Variants in MTUS2 observed in about 807,000 individuals in gnomAD.
MTUS2 encodes microtubule associated scaffold protein 2.
A neutral mutation model predicts 114.1 loss-of-function variants in MTUS2; 40 were observed. The ratio of observed to expected loss-of-function variants is 0.35; its 90% CI spans 0.27 to 0.46. The LOEUF (loss-of-function observed/expected upper bound fraction) is 0.46. Ranked by LOEUF, MTUS2 falls within the 20% of genes least tolerant of loss-of-function variation. MTUS2 has a pLI of 1.00. For missense variants in MTUS2, 1,679 were observed against 1,705.4 expected, an observed-to-expected ratio of 0.98 and a Z score of 0.27; for synonymous variants, 688 against 672.0, an observed-to-expected ratio of 1.02 and a Z score of -0.37.
intron 2 of MTUS2, among the ~76,000 whole-genome samples, chr13:28,844,227 G>A (rs1384397851): frequency 6.6e-6 from 1 of 152,180 alleles, no homozygotes; most frequent in African/African-American, 2.4e-5. Context: ...ATCATTTATA[G>A]TTCTTTTGAA....
At chr13:29,263,097 A>G (rs1237638077) in intron 5 of MTUS2, among the ~76,000 whole-genome samples, 1 of 152,220 alleles carries the variant, frequency 6.6e-6, no homozygotes, top group African/African-American at 2.4e-5. Flanking sequence ...CAAAGCAGGA[A>G]TGGGACTTGG....
At chr13:29,466,071 C>T (rs1326615280) in intron 9 of MTUS2, among the ~76,000 whole-genome samples, 4 of 152,244 alleles carry the variant, frequency 2.6e-5, no homozygotes, top group Non-Finnish European at 5.9e-5. Flanking sequence ...GGACACTGTC[C>T]TGGAAGGGGT....
chr13:29,364,188 T>C (rs1870510672), intron 8 of MTUS2, among the ~76,000 whole-genome samples: 1 of 152,140 alleles, frequency 6.6e-6, no homozygotes, highest in African/African-American at 2.4e-5. Flanking sequence ...ACCTAATGGT[T>C]TAAGCTGTTG....
chr13:28,972,392 C>T (rs910707998), intron 2 of MTUS2, among the ~76,000 whole-genome samples: 12 of 152,174 alleles, frequency 7.9e-5, no homozygotes, highest in African/African-American at 2.9e-4. Flanking sequence ...GCACTGTGTT[C>T]GCAGGTGGCC....
intron 6 of MTUS2, among the ~76,000 whole-genome samples, chr13:29,314,674 A>C (rs569276759): frequency 6.6e-6 from 1 of 152,324 alleles, no homozygotes; most frequent in African/African-American, 2.4e-5. Flanking sequence ...ATGAGTATGA[A>C]AGCGTATGGA....
At chr13:29,004,436 A>G (rs1028148162) in intron 2 of MTUS2, among the ~76,000 whole-genome samples, 2 of 152,224 alleles carry the variant, frequency 1.3e-5, no homozygotes, top group Non-Finnish European at 2.9e-5. Flanking sequence ...ATGCTTATTT[A>G]TATAGTAGAC....
intron 4 of MTUS2, among the ~76,000 whole-genome samples, chr13:29,064,509 G>T (rs1395150126): frequency 6.6e-6 from 1 of 150,548 alleles, no homozygotes; most frequent in African/African-American, 2.4e-5. Context: ...GATAAGTAAT[G>T]TAGGGAGGCC....
rs75425988 is a variant in MTUS2 at position 29,424,750 on chromosome 13, A to G, written c.3118-15233A>G. 6.0e-3 allele frequency among the ~76,000 whole-genome samples: 915 copies of G among 152,302 alleles called. 6 individuals carry two copies. The highest frequency in any genetic ancestry group is 0.021 in the African/African-American group (881 of 41,548). ...AGGAACAGGTGAAGTGACATTACAAAGAAACAAAGAGGCAAATCCAGCATG... is the reference window on the plus strand; with the variant it reads ...AGGAACAGGTGAAGTGACATTACAAGGAAACAAAGAGGCAAATCCAGCATG... On this transcript the variant is annotated intron_variant, in intron 8 of 15. Coordinates refer to ENST00000612955, the MANE Select transcript of MTUS2 (RefSeq NM_001033602.4).
intron 8 of MTUS2, among the ~76,000 whole-genome samples, chr13:29,364,048 T>C (rs1457243325): frequency 2.0e-5 from 3 of 152,190 alleles, no homozygotes; most frequent in Non-Finnish European, 4.4e-5. Flanking sequence ...CTCATGTTTT[T>C]CCACTATATT....
In MTUS2 at chr13:29,359,405, G is replaced by C; in HGVS notation, c.3049G>C (p.Gly1017Arg). 4 of 1,613,714 alleles carry C rather than the reference G, an allele frequency of 2.5e-6. No homozygotes were observed. Among genetic ancestry groups the C allele is most frequent in the Non-Finnish European group, 3.4e-6 (4 of 1,179,788 alleles). ...QQTRQLGVAQ[G>R]ELKRAICGFD... ...GACCAGACAGCTGGGCGTTGCGCAA[G>C]GGGAGCTGAAGAGGGCCATCTGCGG... Residue 1017 changes from glycine to arginine, a missense_variant, in exon 8 of 16, where the codon GGG (glycine) becomes CGG (arginine). Gly to Arg is a moderately radical substitution (Grantham distance 125). Coordinates refer to ENST00000612955, the MANE Select transcript of MTUS2 (RefSeq NM_001033602.4).
chr13:29,397,305 C>T (rs1873978668), intron 8 of MTUS2, among the ~76,000 whole-genome samples: 1 of 152,116 alleles, frequency 6.6e-6, no homozygotes, highest in Admixed American at 6.5e-5. Flanking sequence ...TTTCTTTGCC[C>T]AGCTCTCATC....
At chr13:29,229,060 T>C (rs1251997563) in intron 5 of MTUS2, among the ~76,000 whole-genome samples, 1 of 152,146 alleles carries the variant, frequency 6.6e-6, no homozygotes, top group Non-Finnish European at 1.5e-5. Flanking sequence ...AAGTTAACAC[T>C]GAGGGGCTTC....
intron 6 of MTUS2, among the ~76,000 whole-genome samples, chr13:29,286,014 C>T (rs1185529317): frequency 6.6e-6 from 1 of 152,178 alleles, no homozygotes; most frequent in African/African-American, 2.4e-5. Flanking sequence ...CAGTCTCCAC[C>T]TTCTGCTTTC....
intron 6 of MTUS2, among the ~76,000 whole-genome samples, chr13:29,318,922 G>A (rs1900136298): frequency 6.6e-6 from 1 of 152,180 alleles, no homozygotes; most frequent in African/African-American, 2.4e-5. Context: ...TATAATCAGT[G>A]CCAGTATTTC....
At chr13:28,841,887 A>G (rs879362392) in intron 2 of MTUS2, among the ~76,000 whole-genome samples, 4 of 152,104 alleles carry the variant, frequency 2.6e-5, no homozygotes, top group Admixed American at 2.0e-4. Flanking sequence ...AGGTTTCGCC[A>G]TGTTGGCCAG....
At chr13:29,098,768 G>A (rs1404080542) in intron 4 of MTUS2, among the ~76,000 whole-genome samples, 1 of 152,146 alleles carries the variant, frequency 6.6e-6, no homozygotes, top group Non-Finnish European at 1.5e-5. Context: ...TCTTGACTAA[G>A]TAGTAAATGC....
At chr13:29,170,200 G>T (rs1052347121) in intron 5 of MTUS2, among the ~76,000 whole-genome samples, 4 of 5,760 alleles carry the variant, frequency 6.9e-4, no homozygotes, top group African/African-American at 1.7e-3. Context: ...AGAATGCAAT[G>T]CATCTGATAA....
At chr13:28,854,218 G>A (rs1273359913) in intron 2 of MTUS2, among the ~76,000 whole-genome samples, 2 of 152,212 alleles carry the variant, frequency 1.3e-5, no homozygotes, top group East Asian at 1.9e-4. Context: ...GCACATTACA[G>A]TCTGGGAAAC....
chr13:28,824,022 T>C (rs1393444201), intron 1 of MTUS2, among the ~76,000 whole-genome samples: 2 of 152,170 alleles, frequency 1.3e-5, no homozygotes, highest in Non-Finnish European at 2.9e-5. Context: ...ATGGGGATTA[T>C]GGGAATTATA....
Sources: gnomAD v4.1 joint callset for allele counts (sites outside exome capture counted in the v4.1 genomes callset) on GRCh38, gnomAD v4.1.1 for gene constraint, MANE v1.5 for transcripts, NCBI Gene and HGNC (gene_info 2026-07-23, HGNC 2026-07-21) for gene names.